PDE4D: variants seen among roughly 807,000 people sequenced by gnomAD.
The protein encoded by PDE4D is phosphodiesterase 4D.
In PDE4D, 24 loss-of-function variants were observed where a neutral mutation model predicts 87.4. That is an observed-to-expected ratio of 0.27 (90% confidence interval 0.20 to 0.39). PDE4D has a LOEUF of 0.39. Among genes scored for constraint, PDE4D ranks in the 10% least tolerant of loss-of-function variants. The pLI, the probability that PDE4D is intolerant of heterozygous loss-of-function variation, is 1.00. For synonymous variants in PDE4D, 384 were observed against 383.2 expected (o/e 1.00, Z -0.02); for missense variants, 714 against 1,041.0 (o/e 0.69, Z 4.32).
intron 11 of PDE4D, among the ~76,000 whole-genome samples, chr5:58,984,072 G>A (rs1174835637): frequency 2.5e-5 from 1 of 39,974 alleles, no homozygotes; most frequent in Non-Finnish European, 5.0e-5. Context: ...ACTAGGCTTA[G>A]CCTTGAGTTA....
chr5:60,275,030 G>A lies in PDE4D; in HGVS notation c.-89-89343C>T, dbSNP rs992374044. Among the ~76,000 whole-genome samples the A allele has an allele frequency of 2.8e-4, 43 of 152,188 alleles. 1 individual carries two copies. Among genetic ancestry groups the A allele is most frequent in the Non-Finnish European group, 1.3e-4 (9 of 68,030 alleles). On this transcript the variant is annotated intron_variant, in intron 1 of 16. Coordinates refer to the PDE4D transcript ENST00000502484. The stretch of plus-strand genomic sequence containing the variant: ...TGCCTCAGAATCACTTGAAGGAGTT[G>A]TTAAAACAGAGATTGCTAGATCAGG...
At chr5:59,303,372 C>T (rs1465244214) in intron 1 of PDE4D, among the ~76,000 whole-genome samples, 1 of 152,038 alleles carries the variant, frequency 6.6e-6, no homozygotes, top group African/African-American at 2.4e-5. Flanking sequence ...TCCTTTTGCC[C>T]TGCAAAAGCT....
In PDE4D at chr5:59,156,331, A is replaced by ATGTGTGTG. The variant is rs60467130; in HGVS notation, c.808+24256_808+24263dup. Among the ~76,000 whole-genome samples, 152 of 122,756 alleles carry ATGTGTGTG rather than the reference A, an allele frequency of 1.2e-3. 3 individuals carry two copies. The East Asian group carries it at 0.022, about 17-fold the overall frequency. The allele number at this position is 122,756 out of a possible 152,430, so 80.5% of individuals were successfully genotyped here. ...CCAGAAAAAAAAAAAATATATATATATGTGTGTGTGTGTGTGTGTGTGTGT... is the reference window on the plus strand; with the variant it reads ...CCAGAAAAAAAAAAAATATATATATATGTGTGTGTGTGTGTGTGTGTGTGTGTGTGTGT... On this transcript the variant is annotated intron_variant, in intron 5 of 14. Coordinates refer to ENST00000340635, the MANE Select transcript of PDE4D (RefSeq NM_001104631.2).
chr5:59,035,482 G>A (rs1758345810), intron 6 of PDE4D, among the ~76,000 whole-genome samples: 1 of 152,126 alleles, frequency 6.6e-6, no homozygotes, highest in African/African-American at 2.4e-5. Context: ...CAACCGAATG[G>A]TAAAAAGACA....
chr5:60,351,670 C>A (rs1269148871), intron 1 of PDE4D, among the ~76,000 whole-genome samples: 1 of 152,070 alleles, frequency 6.6e-6, no homozygotes, highest in African/African-American at 2.4e-5. Context: ...ACACGTATGT[C>A]TGTATTTAAT....
intron 1 of PDE4D, among the ~76,000 whole-genome samples, chr5:60,377,363 AC>A (rs1196218176): frequency 1.3e-5 from 2 of 152,202 alleles, no homozygotes; most frequent in Non-Finnish European, 2.9e-5. Context: ...ATTTGGGGTA[AC>A]AATCCTCTTT....
chr5:59,421,149 G>A (rs910985282), intron 1 of PDE4D, among the ~76,000 whole-genome samples: 1 of 152,172 alleles, frequency 6.6e-6, no homozygotes, highest in African/African-American at 2.4e-5. Context: ...TGGATTTCAA[G>A]AAATCTTAGG....
intron 1 of PDE4D, among the ~76,000 whole-genome samples, chr5:59,300,091 G>C (rs1442188471): frequency 2.8e-5 from 3 of 106,266 alleles, no homozygotes; most frequent in African/African-American, 7.5e-5. Context: ...CAGCCTGGGC[G>C]ACAGAAAAAG....
intron 2 of PDE4D, among the ~76,000 whole-genome samples, chr5:60,054,575 A>C (rs937475160): frequency 6.6e-6 from 1 of 152,264 alleles, no homozygotes; most frequent in East Asian, 1.9e-4. Flanking sequence ...GAAATACCTA[A>C]TGTAGATGAT....
intron 1 of PDE4D, among the ~76,000 whole-genome samples, chr5:60,440,568 C>T (rs1406622389): frequency 6.6e-6 from 1 of 151,922 alleles, no homozygotes; most frequent in African/African-American, 2.4e-5. Context: ...TTTCTAAAGA[C>T]ACAGGAGAGA....
Position 59,488,982 on chromosome 5 carries a change from T to A in PDE4D, c.456-273014A>T, listed in dbSNP as rs150463519. ...TCTCCAGTTCAAGCCAATTTTTAAA[T>A]TTTAATATTAATAAGGATTGTTGGC... On this transcript the variant is annotated intron_variant, in intron 1 of 14. Coordinates refer to ENST00000340635, the MANE Select transcript of PDE4D (RefSeq NM_001104631.2). Among the ~76,000 whole-genome samples the A allele has an allele frequency of 1.9e-3, 290 of 152,186 alleles. 3 individuals are homozygous for A. Among genetic ancestry groups the A allele is most frequent in the African/African-American group, 6.7e-3 (280 of 41,522 alleles).
intron 1 of PDE4D, among the ~76,000 whole-genome samples, chr5:59,555,209 G>A (rs777812776): frequency 6.6e-6 from 1 of 152,128 alleles, no homozygotes; most frequent in Admixed American, 6.6e-5. Flanking sequence ...AAACGTGGAT[G>A]GAGCTAGAGG....
chr5:60,465,165 C>A (rs1314130051), intron 1 of PDE4D, among the ~76,000 whole-genome samples: 4 of 151,796 alleles, frequency 2.6e-5, no homozygotes, highest in South Asian at 2.1e-4. Context: ...ATTAAATGCA[C>A]CCGCTTGCTT....
intron 1 of PDE4D, among the ~76,000 whole-genome samples, chr5:59,749,138 C>A (rs1296814023): frequency 6.6e-6 from 1 of 152,234 alleles, no homozygotes; most frequent in Non-Finnish European, 1.5e-5. Flanking sequence ...CACTACTCTA[C>A]TGATCGACTT....
At chr5:59,904,008 A>G (rs1752558037) in intron 3 of PDE4D, among the ~76,000 whole-genome samples, 1 of 152,222 alleles carries the variant, frequency 6.6e-6, no homozygotes, top group Admixed American at 6.5e-5. Flanking sequence ...CATCTGTAAA[A>G]TAAACTAGTG....
Position 59,789,822 on chromosome 5 carries a change from TGATTC to T in PDE4D, c.455+103341_455+103345del, listed in dbSNP as rs1310966818. On this transcript the variant is annotated intron_variant, in intron 1 of 14. Coordinates refer to ENST00000340635, the MANE Select transcript of PDE4D (RefSeq NM_001104631.2). The stretch of plus-strand genomic sequence containing the variant: ...TTCTTCTAGGAGTAGAGTCAGGTCC[TGATTC>T]GATTTCATCCAGAACCAAAGTTATG... Among the ~76,000 whole-genome samples, 4 of 152,340 alleles carry T rather than the reference TGATTC, an allele frequency of 2.6e-5. No individual in the cohort carries two copies. The East Asian group carries it at 7.7e-4, about 29-fold the overall frequency.
intron 2 of PDE4D, among the ~76,000 whole-genome samples, chr5:60,013,412 C>A (rs954692337): frequency 2.0e-5 from 3 of 152,144 alleles, no homozygotes; most frequent in African/African-American, 7.2e-5. Context: ...GCTGGTCTGC[C>A]AAGTACACCA....
intron 1 of PDE4D, among the ~76,000 whole-genome samples, chr5:59,735,669 A>C (rs1427907455): frequency 6.6e-6 from 1 of 152,026 alleles, no homozygotes; most frequent in Non-Finnish European, 1.5e-5. Flanking sequence ...TCACAGAAAC[A>C]AAACTTTTTT....
chr5:60,436,959 T>A (rs535359406), intron 1 of PDE4D, among the ~76,000 whole-genome samples: 2 of 152,202 alleles, frequency 1.3e-5, no homozygotes, highest in South Asian at 2.1e-4. Context: ...TAGACTATAG[T>A]CATGTTTTAA....
Sources: allele counts gnomAD v4.1 joint callset (sites outside exome capture counted in the v4.1 genomes callset), GRCh38; gene constraint gnomAD v4.1.1; transcripts MANE v1.5; gene names NCBI Gene and HGNC (gene_info 2026-07-23, HGNC 2026-07-21).